The following PPIE variants were observed in gnomAD, a reference collection of about 807,000 sequenced individuals.
PPIE encodes the protein peptidylprolyl isomerase E, also known as peptidyl-prolyl cis-trans isomerase E.
Under a neutral mutation model 38.4 loss-of-function variants are expected in PPIE, and 20 were observed. The observed-to-expected ratio is 0.52, with a 90% CI of 0.37 to 0.76. PPIE has a LOEUF of 0.76. PPIE is among the 30% of genes least tolerant of loss of function. PPIE has a pLI of 0.00. For missense variants in PPIE, 322 were observed against 385.8 expected (o/e 0.83, Z 1.39); for synonymous variants, 142 against 135.7 (o/e 1.05, Z -0.32).
Position 39,745,412 on chromosome 1 carries a change from A to G in PPIE, c.422A>G (p.Gln141Arg), listed in dbSNP as rs750975872. The G allele has an allele frequency of 2.5e-6, 4 of 1,614,202 alleles. No homozygotes were observed. In the South Asian group the frequency reaches 3.3e-5, roughly 13 times the overall value. Residue 141 changes from glutamine (Q) to arginine (R), a missense_variant, in exon 7 of 10, where the codon CAG becomes CGG. Gln to Arg is a conservative substitution (Grantham distance 43). Transcript: ENST00000324379. ...GCTAAAAAGGCCCGCTCAAATCCTC[A>G]GGTGTACATGGACATCAAGATTGGG... ...PIAKKARSNP[Q>R]VYMDIKIGNK...
intron 4 of PPIE, 80 bp downstream of exon 4, chr1:39,742,001 G>A: frequency 1.3e-6 from 2 of 1,490,022 alleles, no homozygotes; most frequent in South Asian, 2.3e-5. Context: ...CAGTGTTCTG[G>A]ACTTCCAAAG....
intron 7 of PPIE, chr1:39,746,351 C>T (rs1313218302): frequency 6.6e-6 from 1 of 152,212 alleles, no homozygotes; most frequent in Non-Finnish European, 1.5e-5. Flanking sequence ...TCCTGATTTT[C>T]TCCCAGACCA....
At chr1:39,741,264 G>C (rs1647050450) in intron 2 of PPIE, 102 bp from the exon 3 acceptor site, 1 of 931,686 alleles carries the variant, frequency 1.1e-6, no homozygotes, top group Non-Finnish European at 1.8e-6. Context: ...TAGAACTTCT[G>C]GTGTTTGGAT....
In PPIE at chr1:39,754,656, G is replaced by A. The variant is rs1489560966; in HGVS notation, c.*1301G>A. ...GCAGGAGGATCACTTGAGCCCAGGA[G>A]TTCAAGACCAGCCTGGGCAATGTAG... On this transcript the variant is annotated 3_prime_UTR_variant, in exon 10 of 10. Coordinates refer to ENST00000324379, the MANE Select transcript of PPIE (RefSeq NM_006112.4). Among the ~76,000 whole-genome samples, 7 of 152,168 alleles carry A rather than the reference G, an allele frequency of 4.6e-5. No individual in the cohort carries two copies.
At chr1:39,760,413 G>T, downstream of PPIE, 1 of 1,613,706 alleles carries the variant, frequency 6.2e-7, no homozygotes, top group Non-Finnish European at 8.5e-7. Flanking sequence ...GGCCGGGCGG[G>T]TGGACTCAGT....
chr1:39,761,327 A>G (rs1053663582), downstream of PPIE: 17 of 152,492 alleles, frequency 1.1e-4, no homozygotes, highest in South Asian at 2.1e-4. Flanking sequence ...CTCCACCTCC[A>G]TGCTGCCTTG....
At position 39,756,423 on chromosome 1, in the gene PPIE, T is replaced by C; in HGVS notation, c.*3068T>C. The C allele has an allele frequency of 2.0e-6, 2 of 985,428 alleles. No individual in the cohort carries two copies. The highest frequency in any genetic ancestry group is 1.2e-6 in the Non-Finnish European group (1 of 829,928). The allele number at this position is 985,428 out of a possible 1,614,324, so 61.0% of individuals were successfully genotyped here. ...CCCCACATGCTGGCCCTGAAACGGT[T>C]ACAAAGGCTGAAACCAGGGATGGCA... On this transcript the variant is annotated 3_prime_UTR_variant, in exon 10 of 10. Transcript: ENST00000324379.
chr1:39,761,627 C>G (rs1403187432), downstream of PPIE, among the ~76,000 whole-genome samples: 3 of 151,784 alleles, frequency 2.0e-5, no homozygotes, highest in Non-Finnish European at 4.4e-5. Flanking sequence ...TCCTCCCACT[C>G]ACTGCACCCA....
At chr1:39,747,583 C>T (rs1252291434) in intron 7 of PPIE, 1 of 151,596 alleles carries the variant, frequency 6.6e-6, no homozygotes, top group Non-Finnish European at 1.5e-5. Flanking sequence ...GTGCCTCAGC[C>T]TCCCGAGTAG....
At chr1:39,760,888 G>GCTCA (rs1303970134), downstream of PPIE, among the ~76,000 whole-genome samples, 17 of 152,218 alleles carry the variant, frequency 1.1e-4, no homozygotes, top group African/African-American at 3.6e-4. Context: ...GGAGAACTGT[G>GCTCA]TGGCCAGGTT....
At chr1:39,757,132 T>C (rs1648363377), downstream of PPIE, 1 of 152,252 alleles carries the variant, frequency 6.6e-6, no homozygotes, top group Non-Finnish European at 1.5e-5. Context: ...GGATGCCATG[T>C]GTAGATGGTT....
In PPIE at chr1:39,754,975, ATACT is replaced by A. The variant is rs1026539615; in HGVS notation, c.*1625_*1628del. 1.3e-5 allele frequency: 13 copies of A among 982,586 alleles called. No homozygotes were observed. Among genetic ancestry groups the A allele is most frequent in the African/African-American group, 3.5e-5 (2 of 57,164 alleles). 60.9% of individuals were successfully genotyped at this position (982,586 alleles called of 1,614,324 possible). ...GACCATCACAGTCCCAAGGCCTAAA[ATACT>A]TACTATCTGAGCCTTTACAAAACAG... On this transcript the variant is annotated 3_prime_UTR_variant, in exon 10 of 10. Transcript: ENST00000324379.
At position 39,745,453 on chromosome 1, in the gene PPIE, C is replaced by T. The variant is rs756063594; in HGVS notation, c.463C>T (p.Arg155Cys). 9.3e-6 allele frequency: 15 copies of T among 1,614,140 alleles called. No homozygotes were observed. The highest frequency in any genetic ancestry group is 1.3e-5 in the African/African-American group (1 of 74,940). Residue 155 changes from arginine (R) to cysteine (C), a missense_variant, in exon 7 of 10, where the codon CGC (arginine) becomes TGC (cysteine). By Grantham distance (180) the Arg-to-Cys change is radical. Transcript: ENST00000324379. ...CAAGATTGGGAACAAGCCGGCTGGC[C>T]GCATCCAGATGCTCCTGCGTTCTGA... ...DIKIGNKPAG[R>C]IQMLLRSDVV...
Position 39,753,591 on chromosome 1 carries a change from G to A in PPIE, c.*236G>A, listed in dbSNP as rs143982390. 1.3e-4 allele frequency: 172 copies of A among 1,355,266 alleles called. 1 individual carries two copies. In the East Asian group the frequency reaches 4.9e-3, roughly 39 times the overall value. The allele number at this position is 1,355,266 out of a possible 1,614,324, so 84.0% of individuals were successfully genotyped here. On this transcript the variant is annotated 3_prime_UTR_variant, in exon 10 of 10. Transcript: ENST00000324379. ...AGGTGCTCCCCTCCACCATGGGCAG[G>A]CTGTGCAAAAAGCCACTGGCTTTTC... is the stretch of plus-strand genomic sequence containing the variant.
In PPIE at chr1:39,763,912, C is replaced by T. The variant is rs1009090217; in HGVS notation, c.*170C>T. The T allele has an allele frequency of 2.5e-5, 31 of 1,228,818 alleles. 3 individuals are homozygous for T. In the African/African-American group the frequency reaches 3.7e-4, roughly 15 times the overall value. 76.1% of individuals were successfully genotyped at this position (1,228,818 alleles called of 1,614,324 possible). On this transcript the variant is annotated 3_prime_UTR_variant, in exon 10 of 10. Transcript: ENST00000356511. ...TGTCAAATAAATGAATGACAGGAAA[C>T]CATTTGGTCTCATAAAGCCCATCCC...
chr1:39,742,104 C>T (rs1042145110), intron 4 of PPIE, 183 bp downstream of exon 4: 34 of 608,352 alleles, frequency 5.6e-5, no homozygotes, highest in Non-Finnish European at 8.4e-5. Context: ...CAGACTCCTT[C>T]GCCATTTCAG....
At chr1:39,761,191 G>T, downstream of PPIE, 1 of 153,170 alleles carries the variant, frequency 6.5e-6, no homozygotes, top group Non-Finnish European at 1.5e-5. Flanking sequence ...TCTGCACTTG[G>T]GGTCTAATGG....
At chr1:39,739,096 C>A (rs1646993552) in intron 1 of PPIE, 165 bp downstream of exon 1, 1 of 669,026 alleles carries the variant, frequency 1.5e-6, no homozygotes, top group Non-Finnish European at 2.2e-6. Context: ...AAACTCCTTC[C>A]AAGGTTTCCC....
downstream of PPIE, chr1:39,757,242 A>G (rs1330248691): frequency 1.3e-5 from 2 of 152,280 alleles, no homozygotes; most frequent in Non-Finnish European, 2.9e-5. Flanking sequence ...AAGCAAATTC[A>G]TTTGTAATAA....
Sources: gnomAD v4.1 joint callset for allele counts (sites outside exome capture counted in the v4.1 genomes callset) on GRCh38, gnomAD v4.1.1 for gene constraint, MANE v1.5 for transcripts, NCBI Gene and HGNC (gene_info 2026-07-23, HGNC 2026-07-21) for gene names.